Variants in P2RX5 observed in about 807,000 individuals in gnomAD.
The protein encoded by P2RX5 is P2X purinoceptor 5.
P2RX5 carries 46 observed loss-of-function variants against 54.1 expected under a neutral mutation model. That is an observed-to-expected ratio of 0.85 (90% CI 0.67 to 1.09). The LOEUF (loss-of-function observed/expected upper bound fraction) is 1.09. Among genes scored for constraint, P2RX5 ranks in the 50% least tolerant of loss-of-function variants. The pLI, the probability that P2RX5 is intolerant of heterozygous loss-of-function variation, is 0.00. For synonymous variants in P2RX5, 226 were observed against 226.4 expected (o/e 1.00, Z 0.02); for missense variants, 566 against 549.8 (o/e 1.03, Z -0.29).
the P2RX5 span, among the ~76,000 whole-genome samples, chr17:3,701,831 C>T: frequency 6.8e-6 from 1 of 146,866 alleles, no homozygotes; most frequent in Non-Finnish European, 1.5e-5. Context: ...TCTCAGCTCA[C>T]TGCAACCTCT....
At chr17:3,691,120 G>C (rs549958429) in intron 2 of P2RX5, 93 bp from the exon 3 acceptor site, 2 of 953,334 alleles carry the variant, frequency 2.1e-6, no homozygotes, top group Admixed American at 2.0e-5. Flanking sequence ...CGGTCCCTCT[G>C]CCTGGGTTTT....
intron 7 of P2RX5, 24 bp from the exon 8 acceptor site, chr17:3,688,783 C>T (rs372486731): frequency 6.2e-7 from 1 of 1,613,478 alleles, no homozygotes; most frequent in Non-Finnish European, 8.5e-7. Flanking sequence ...AGATGAGGGT[C>T]AGCACACACA....
chr17:3,723,493 G>A, the P2RX5 span: 2 of 1,001,448 alleles, frequency 2.0e-6, no homozygotes, highest in Admixed American at 1.8e-5. Flanking sequence ...GAGGGTGTGA[G>A]CAATTTCAGC....
intron 9 of P2RX5, among the ~76,000 whole-genome samples, chr17:3,684,835 CTTTTTTTTTT>C (rs138123642): frequency 2.3e-5 from 2 of 86,706 alleles, no homozygotes; most frequent in South Asian, 5.4e-4. Flanking sequence ...ATCCTGCCCC[CTTTTTTTTTT>C]TTTTTTTTTT....
At chr17:3,695,739 G>C in intron 1 of P2RX5, 130 bp downstream of exon 1, 1 of 1,116,136 alleles carries the variant, frequency 9.0e-7, no homozygotes, top group Non-Finnish European at 1.3e-6. Context: ...CAGCAAGCAG[G>C]CTCACAGACC....
At chr17:3,719,452 G>C in the P2RX5 span, among the ~76,000 whole-genome samples, 1 of 152,016 alleles carries the variant, frequency 6.6e-6, no homozygotes, top group Non-Finnish European at 1.5e-5. Flanking sequence ...CTCACAGATA[G>C]ATCACCTCTG....
At chr17:3,711,539 C>A in the P2RX5 span, among the ~76,000 whole-genome samples, 1 of 149,308 alleles carries the variant, frequency 6.7e-6, no homozygotes, top group Non-Finnish European at 1.5e-5. Flanking sequence ...CCCACCACCA[C>A]GCCCAGCTAA....
chr17:3,692,721 C>T (rs770499053), intron 1 of P2RX5, among the ~76,000 whole-genome samples: 6 of 151,816 alleles, frequency 4.0e-5, no homozygotes, highest in Non-Finnish European at 5.9e-5. Context: ...ACCAGCCTGT[C>T]GTCCCAGCTA....
upstream of P2RX5, chr17:3,696,178 T>A: frequency 2.0e-6 from 1 of 500,738 alleles, no homozygotes; most frequent in Non-Finnish European, 3.0e-6. Flanking sequence ...CGGGGCGGCC[T>A]TTTATTGACG....
At chr17:3,691,511 G>T in intron 2 of P2RX5, 133 bp downstream of exon 2, 2 of 1,113,338 alleles carry the variant, frequency 1.8e-6, no homozygotes, top group Non-Finnish European at 1.3e-6. Context: ...CTCTCTGCAA[G>T]CCCTGGCAGC....
At chr17:3,723,672 G>A in the P2RX5 span, 1 of 1,577,970 alleles carries the variant, frequency 6.3e-7, no homozygotes, top group East Asian at 2.3e-5. Flanking sequence ...TGGCCTCTCG[G>A]GACGGCCGCG....
At chr17:3,711,669 C>T in the P2RX5 span, among the ~76,000 whole-genome samples, 4 of 151,742 alleles carry the variant, frequency 2.6e-5, no homozygotes, top group South Asian at 8.3e-4. Flanking sequence ...CAGGCGTGAG[C>T]CACTGCGCCC....
chr17:3,680,534 C>CCTG (rs2050235536), intron 10 of P2RX5, among the ~76,000 whole-genome samples: 1 of 134,290 alleles, frequency 7.4e-6, no homozygotes, highest in Non-Finnish European at 1.6e-5. Flanking sequence ...CGTCCTCCAC[C>CCTG]CAGCGTCCTC....
At chr17:3,704,866 T>C in the P2RX5 span, among the ~76,000 whole-genome samples, 2 of 151,872 alleles carry the variant, frequency 1.3e-5, no homozygotes, top group Admixed American at 1.3e-4. Context: ...ATTAGCTGGG[T>C]GTGATGATGC....
chr17:3,704,974 A>C, the P2RX5 span, among the ~76,000 whole-genome samples: 132,264 of 152,206 alleles, frequency 0.87, 60,511 homozygotes, highest in East Asian at 1. Context: ...CCATTGTACT[A>C]CAGCCTGGAC....
chr17:3,697,999 T>TA (rs1055600321), upstream of P2RX5, among the ~76,000 whole-genome samples: 1 of 152,048 alleles, frequency 6.6e-6, no homozygotes, highest in African/African-American at 2.4e-5. Flanking sequence ...TGCCACATAA[T>TA]AGTTCTAGAC....
chr17:3,682,088 T>C, intron 9 of P2RX5, 110 bp from the exon 10 acceptor site: 1 of 753,662 alleles, frequency 1.3e-6, no homozygotes, highest in Admixed American at 2.0e-5. Context: ...GGCATCACTG[T>C]CCCCATTTAA....
chr17:3,723,238 G>A, the P2RX5 span: 1 of 1,198,864 alleles, frequency 8.3e-7, no homozygotes, highest in Non-Finnish European at 1.2e-6. Flanking sequence ...TAGGGGCGAT[G>A]CCCGTGAGCA....
At chr17:3,685,513 C>A (rs891746) in intron 9 of P2RX5, 23,236 of 155,560 alleles carry the variant, frequency 0.15, 5,974 homozygotes, top group African/African-American at 0.53. Flanking sequence ...GGAGGTACTC[C>A]CAGCACCCAT....
Sources: allele counts gnomAD v4.1 joint callset (sites outside exome capture counted in the v4.1 genomes callset), GRCh38; gene constraint gnomAD v4.1.1; transcripts MANE v1.5; gene names NCBI Gene and HGNC (gene_info 2026-07-23, HGNC 2026-07-21).